Variants in ERICH2 observed in about 807,000 individuals in gnomAD.
ERICH2 encodes glutamate-rich protein 2.
A neutral mutation model predicts 17.4 loss-of-function variants in ERICH2; 17 were observed. The observed-to-expected ratio is 0.98, with a 90% CI of 0.67 to 1.47. ERICH2 has a LOEUF of 1.47. Ranked by LOEUF, ERICH2 falls within the 40% of genes most tolerant of loss-of-function variation. The pLI is 0.00. For synonymous variants in ERICH2, 51 were observed against 61.1 expected (o/e 0.83, Z 0.77); for missense variants, 186 against 183.2 (o/e 1.01, Z -0.09).
At chr2:170,797,658 C>T (rs933237286) in intron 3 of ERICH2, among the ~76,000 whole-genome samples, 1 of 151,772 alleles carries the variant, frequency 6.6e-6, no homozygotes, top group African/African-American at 2.4e-5. Flanking sequence ...CTTAGCCAGG[C>T]GTGGTGGCAC....
chr2:170,782,455 C>A, upstream of ERICH2: 1 of 784,114 alleles, frequency 1.3e-6, no homozygotes, highest in Non-Finnish European at 1.5e-6. Flanking sequence ...TTTTCTGCGA[C>A]CTTTGGGAAC....
upstream of ERICH2, among the ~76,000 whole-genome samples, chr2:170,782,912 C>T (rs1406791323): frequency 6.6e-6 from 1 of 151,972 alleles, no homozygotes; most frequent in African/African-American, 2.4e-5. Flanking sequence ...TATAGCAAGA[C>T]CCCATCTTTG....
chr2:170,798,153 A>C (rs2287111), intron 4 of ERICH2, 41 bp downstream of exon 9: 873,858 of 1,283,860 alleles, frequency 0.68, 298,854 homozygotes, highest in East Asian at 0.81. Context: ...TCATAGAACT[A>C]TAAGCAGTCA....
intron 3 of ERICH2, among the ~76,000 whole-genome samples, chr2:170,794,426 G>T (rs1041892718): frequency 2.6e-5 from 4 of 151,880 alleles, no homozygotes; most frequent in African/African-American, 9.7e-5. Context: ...TTATTTCTAT[G>T]TGTCAGTTTT....
chr2:170,773,219 C>T, the ERICH2 span, among the ~76,000 whole-genome samples: 1 of 152,190 alleles, frequency 6.6e-6, no homozygotes, highest in African/African-American at 2.4e-5. Flanking sequence ...GGGTGGTTAT[C>T]ATCTTTGTTT....
intron 4 of ERICH2, 138 bp downstream of exon 9, chr2:170,798,250 A>G: frequency 1.5e-6 from 1 of 661,400 alleles, no homozygotes. Flanking sequence ...TAAATGGTTT[A>G]GTGAAACAGC....
exon 4 of ERICH2, chr2:170,798,086 C>G (rs1251232688): frequency 1.3e-6 from 2 of 1,548,572 alleles, no homozygotes; most frequent in African/African-American, 2.7e-5. Context: ...GAGTTTTTCA[C>G]ACTTATTGAA....
chr2:170,792,447 G>A (rs980361203), intron 2 of ERICH2, among the ~76,000 whole-genome samples: 1 of 151,946 alleles, frequency 6.6e-6, no homozygotes, highest in Non-Finnish European at 1.5e-5. Context: ...GAGCAATGCT[G>A]GAAAATATCA....
At chr2:170,771,746 A>T in the ERICH2 span, among the ~76,000 whole-genome samples, 7 of 152,362 alleles carry the variant, frequency 4.6e-5, no homozygotes, top group South Asian at 1.4e-3. This position sits in a 1 kb window ranked among gnomAD's most constrained non-coding sequence, Gnocchi z 4.8. Context: ...TCATCTTATG[A>T]GATGATGAAA....
the ERICH2 span, among the ~76,000 whole-genome samples, chr2:170,776,502 C>T: frequency 8.5e-4 from 129 of 152,210 alleles, 1 homozygote; most frequent in Middle Eastern, 3.4e-3. Flanking sequence ...CTCAGCCTCC[C>T]GAGTAGCTGG....
At chr2:170,784,754 A>G in exon 2 of ERICH2, 2 of 1,545,946 alleles carry the variant, frequency 1.3e-6, no homozygotes, top group Non-Finnish European at 1.7e-6. Flanking sequence ...GATGGTGAAG[A>G]TGATACCAAT....
At position 170,798,069 on chromosome 2, in the gene ERICH2, G is replaced by C. The variant is rs1419357903; in HGVS notation, c.303G>C (p.Glu101Asp). 1.9e-6 allele frequency: 3 copies of C among 1,549,376 alleles called. No homozygotes were observed. The Admixed American group carries it at 5.9e-5, about 30-fold the overall frequency. The stretch of plus-strand genomic sequence containing the variant: ...TAATCTATGAACCAGAAAATCCTGA[G>C]GCCAAGGAGTTTTTCACACTTATTG... Residue 101 changes from glutamate to aspartate, a missense_variant, in exon 4 of 5, where the codon GAG becomes GAC. Physicochemically the swap from Glu to Asp is conservative, Grantham distance 45 (BLOSUM62 2). Coordinates refer to ENST00000409885, the Ensembl canonical transcript of ERICH2.
intron 2 of ERICH2, 88 bp downstream of exon 7, chr2:170,784,921 C>A: frequency 1.8e-6 from 2 of 1,103,552 alleles, no homozygotes; most frequent in Non-Finnish European, 2.4e-6. Context: ...ACTGTGAGAA[C>A]TAAAAAAGTA....
upstream of ERICH2, among the ~76,000 whole-genome samples, chr2:170,781,453 G>T (rs889834566): frequency 1.3e-5 from 2 of 151,992 alleles, no homozygotes; most frequent in African/African-American, 4.8e-5. Flanking sequence ...GGCCAAGATG[G>T]TGAAACCCCG....
At chr2:170,797,640 A>T (rs964874567) in intron 3 of ERICH2, among the ~76,000 whole-genome samples, 4 of 152,066 alleles carry the variant, frequency 2.6e-5, no homozygotes, top group Non-Finnish European at 4.4e-5. Context: ...TCTACCAAAA[A>T]TACAAAACTT....
chr2:170,788,574 C>T (rs62168409), intron 2 of ERICH2, among the ~76,000 whole-genome samples: 36,828 of 151,728 alleles, frequency 0.24, 5,413 homozygotes, highest in South Asian at 0.35. Flanking sequence ...CGGGTTCAAG[C>T]GATTCTCCTG....
At chr2:170,781,564 C>T (rs1349910394), upstream of ERICH2, among the ~76,000 whole-genome samples, 1 of 149,944 alleles carries the variant, frequency 6.7e-6, no homozygotes, top group East Asian at 2.0e-4. Flanking sequence ...ACCTGGGAGG[C>T]AGAGGTTGCA....
intron 2 of ERICH2, among the ~76,000 whole-genome samples, chr2:170,791,413 C>A (rs991559786): frequency 6.6e-5 from 10 of 151,970 alleles, no homozygotes; most frequent in Non-Finnish European, 1.3e-4. Flanking sequence ...GCAGTCAAAC[C>A]TTAACTGAGC....
chr2:170,791,139 G>C (rs1701279164), intron 2 of ERICH2, among the ~76,000 whole-genome samples: 1 of 152,046 alleles, frequency 6.6e-6, no homozygotes, highest in Admixed American at 6.6e-5. Flanking sequence ...AAATGAAAAT[G>C]TCTTAACCTA....
Sources: gnomAD v4.1 joint callset for allele counts (sites outside exome capture counted in the v4.1 genomes callset) on GRCh38, gnomAD v4.1.1 for gene constraint, Gnocchi (gnomAD v3.1) non-coding constraint, MANE v1.5 for transcripts, NCBI Gene and HGNC (gene_info 2026-07-23, HGNC 2026-07-21) for gene names.